RBFOX1: variants seen among roughly 807,000 people sequenced by gnomAD.
RBFOX1 encodes RNA binding protein fox-1 homolog 1.
RBFOX1 carries 8 observed loss-of-function variants against 57.7 expected under a neutral mutation model. That is an observed-to-expected ratio of 0.14 (90% confidence interval 0.08 to 0.25). RBFOX1 has a LOEUF of 0.25. RBFOX1 is among the 10% of genes least tolerant of loss of function. RBFOX1 has a pLI of 1.00. For missense variants in RBFOX1, 611 were observed against 548.5 expected, an observed-to-expected ratio of 1.11 and a Z score of -1.14; for synonymous variants, 326 against 222.4, an observed-to-expected ratio of 1.47 and a Z score of -4.15.
chr16:6,199,867 G>A (rs1439335093), intron 1 of RBFOX1, among the ~76,000 whole-genome samples: 2 of 152,148 alleles, frequency 1.3e-5, no homozygotes, highest in Admixed American at 1.3e-4. Flanking sequence ...CCTATCAGAA[G>A]GTTATGAAGA....
At position 5,923,200 on chromosome 16, in the gene RBFOX1, C is replaced by A. The variant is rs187437295; in HGVS notation, c.351+55865C>A. Among the ~76,000 whole-genome samples the A allele has an allele frequency of 2.6e-3, 399 of 152,068 alleles. 3 individuals carry two copies. The highest frequency in any genetic ancestry group is 0.024 in the Middle Eastern group (7 of 294). ...TGTAGTGGTAATAGGGTAGTTTAGG[C>A]GAGACTTCCAGGGAAGAGATTTACA... is the stretch of plus-strand genomic sequence containing the variant. On this transcript the variant is annotated intron_variant, in intron 4 of 19. Transcript: ENST00000641259.
intron 3 of RBFOX1, among the ~76,000 whole-genome samples, chr16:6,941,300 C>CTCCCTCCTTCCT (rs1555654057): frequency 1.4e-3 from 107 of 79,200 alleles, no homozygotes; most frequent in African/African-American, 5.4e-3. Flanking sequence ...CCCTCCCTCC[C>CTCCCTCCTTCCT]TCCTTCCTTC....
At chr16:6,752,795 G>C (rs2075162441) in intron 3 of RBFOX1, among the ~76,000 whole-genome samples, 1 of 143,588 alleles carries the variant, frequency 7.0e-6, no homozygotes, top group Non-Finnish European at 1.5e-5. Flanking sequence ...TAATGAAATT[G>C]TCAAACTTTA....
At chr16:5,304,204 A>C (rs2063875310) in intron 1 of RBFOX1, among the ~76,000 whole-genome samples, 1 of 152,228 alleles carries the variant, frequency 6.6e-6, no homozygotes, top group Non-Finnish European at 1.5e-5. Flanking sequence ...TCTGTAGCTC[A>C]CAAAACATTG....
intron 4 of RBFOX1, among the ~76,000 whole-genome samples, chr16:7,264,291 C>A (rs1162701651): frequency 6.6e-6 from 1 of 152,186 alleles, no homozygotes; most frequent in Non-Finnish European, 1.5e-5. Context: ...TCAAGGAAAG[C>A]TGATAGGCAC....
Position 7,632,651 on chromosome 16 carries a change from G to T in RBFOX1, c.757+1968G>T, listed in dbSNP as rs139071928. Reference sequence around the variant, plus strand: ...TATTATTTTCTGAAAGAGAGTTGGTGTGCCAAAACTTACCATAGGGCTGGG... The same window carrying T: ...TATTATTTTCTGAAAGAGAGTTGGTTTGCCAAAACTTACCATAGGGCTGGG... On this transcript the variant is annotated intron_variant, in intron 11 of 15. Coordinates refer to ENST00000550418, the MANE Select transcript of RBFOX1 (RefSeq NM_018723.4). Among the ~76,000 whole-genome samples, 559 of 152,266 alleles carry T rather than the reference G, an allele frequency of 3.7e-3. 4 individuals carry two copies. The highest frequency in any genetic ancestry group is 5.7e-3 in the Non-Finnish European group (391 of 68,020).
intron 2 of RBFOX1, among the ~76,000 whole-genome samples, chr16:6,512,845 G>A (rs932270483): frequency 2.6e-5 from 4 of 152,172 alleles, no homozygotes; most frequent in African/African-American, 9.7e-5. Context: ...ATGATCCAAT[G>A]CTGGCCCATG....
At chr16:5,805,451 A>G (rs2055195300) in intron 3 of RBFOX1, among the ~76,000 whole-genome samples, 1 of 152,218 alleles carries the variant, frequency 6.6e-6, no homozygotes, top group Non-Finnish European at 1.5e-5. Context: ...GTTAATGCCT[A>G]TTCTTTAGAA....
chr16:6,835,379 A>T (rs570033741), intron 3 of RBFOX1, among the ~76,000 whole-genome samples: 188 of 152,276 alleles, frequency 1.2e-3, no homozygotes, highest in South Asian at 2.7e-3. Context: ...ACAGGAAAAG[A>T]TATAGGACCT....
intron 3 of RBFOX1, among the ~76,000 whole-genome samples, chr16:6,786,479 G>C (rs2081982345): frequency 6.6e-6 from 1 of 152,102 alleles, no homozygotes; most frequent in African/African-American, 2.4e-5. Flanking sequence ...TAACAACAAA[G>C]AGCTGTGTAG....
intron 14 of RBFOX1, among the ~76,000 whole-genome samples, chr16:7,708,711 C>G (rs1446900941): frequency 6.6e-6 from 1 of 152,156 alleles, no homozygotes; most frequent in African/African-American, 2.4e-5. Context: ...GGGTGCTGGG[C>G]TTAATACTTG....
At chr16:6,456,819 C>G (rs748447401) in intron 2 of RBFOX1, among the ~76,000 whole-genome samples, 8 of 152,072 alleles carry the variant, frequency 5.3e-5, no homozygotes, top group Non-Finnish European at 8.8e-5. Flanking sequence ...GAGGAAGCAA[C>G]GTGGACTCAA....
chr16:6,587,781 A>G (rs745921303), intron 2 of RBFOX1, among the ~76,000 whole-genome samples: 5 of 152,214 alleles, frequency 3.3e-5, no homozygotes, highest in Non-Finnish European at 4.4e-5. Context: ...GTGAAAACCC[A>G]TATAACTTTT....
Position 7,664,979 on chromosome 16 carries a change from A to G in RBFOX1, c.930+11A>G. 6.2e-7 allele frequency: 1 copy of G among 1,613,940 alleles called. No homozygotes were observed. Among genetic ancestry groups the G allele is most frequent in the Non-Finnish European group, 8.5e-7 (1 of 1,179,838 alleles). ...GGTGCAGACATTTATGTAAGTATTC[A>G]TTCACGTGCATGCCATCCCCGTTTC... On this transcript the variant is annotated intron_variant, in intron 13 of 15. Coordinates refer to ENST00000550418, the MANE Select transcript of RBFOX1 (RefSeq NM_018723.4).
At chr16:7,211,037 A>T (rs2091020482) in intron 4 of RBFOX1, among the ~76,000 whole-genome samples, 1 of 151,898 alleles carries the variant, frequency 6.6e-6, no homozygotes, top group Admixed American at 6.6e-5. Context: ...GTGGAAGTCA[A>T]GATAAGTATG....
chr16:6,980,856 A>G (rs2088588795), intron 3 of RBFOX1, among the ~76,000 whole-genome samples: 2 of 152,062 alleles, frequency 1.3e-5, no homozygotes, highest in South Asian at 2.1e-4. Context: ...CAGTCTGGCT[A>G]ACATGTTGAA....
intron 3 of RBFOX1, among the ~76,000 whole-genome samples, chr16:6,943,435 G>A (rs540624810): frequency 9.8e-5 from 15 of 152,286 alleles, no homozygotes; most frequent in African/African-American, 2.4e-4. Flanking sequence ...TGGGCCGGGC[G>A]TGGTGGCTCA....
At chr16:6,607,589 C>CCT (rs942211562) in intron 2 of RBFOX1, among the ~76,000 whole-genome samples, 2 of 149,898 alleles carry the variant, frequency 1.3e-5, no homozygotes, top group African/African-American at 4.9e-5. Context: ...CTGTCTCCCT[C>CCT]CTCTCTCTCT....
At position 7,427,015 on chromosome 16, in the gene RBFOX1, C is replaced by G. The variant is rs142561276; in HGVS notation, c.28-91132C>G. ...CATTCTCAGCAAACTATTGAAAGGA[C>G]AGAAAACCAAACACTGCGTGTTCTC... On this transcript the variant is annotated intron_variant, in intron 4 of 15. Coordinates refer to ENST00000550418, the MANE Select transcript of RBFOX1 (RefSeq NM_018723.4). Among the ~76,000 whole-genome samples the G allele has an allele frequency of 4.6e-5, 7 of 152,272 alleles. No homozygotes were observed. In the South Asian group the frequency reaches 1.5e-3, roughly 32 times the overall value.
Sources: allele counts gnomAD v4.1 joint callset (sites outside exome capture counted in the v4.1 genomes callset), GRCh38; gene constraint gnomAD v4.1.1; transcripts MANE v1.5; gene names NCBI Gene and HGNC (gene_info 2026-07-23, HGNC 2026-07-21).